The following GANAB variants were observed in gnomAD, a reference collection of about 807,000 sequenced individuals.
GANAB encodes glucosidase II alpha subunit.
In GANAB, 35 loss-of-function variants were observed where a neutral mutation model predicts 129.9. The observed-to-expected ratio is 0.27, with a 90% CI of 0.21 to 0.36. The LOEUF is 0.36. Ranked by LOEUF, GANAB falls within the 10% of genes least tolerant of loss-of-function variation. The pLI is 1.00. For synonymous variants in GANAB, 482 were observed against 451.8 expected (o/e 1.07, Z -0.85); for missense variants, 939 against 1,221.0 (o/e 0.77, Z 3.44).
chr11:62,636,234 G>C (rs1457848802), intron 4 of GANAB, among the ~76,000 whole-genome samples: 1 of 151,718 alleles, frequency 6.6e-6, no homozygotes, highest in African/African-American at 2.4e-5. Context: ...CAAGTGATCT[G>C]TCCGCCTTGG....
In GANAB at chr11:62,630,267, C is replaced by T; in HGVS notation, c.1523G>A (p.Gly508Asp). ...YEGWCWPGSA[G>D]YPDFTNPTMR... ...CGTGGGATTAGTGAAGTCAGGGTAA[C>T]CAGCTGAGCCTGGGAGAAGTTAAGG... is the stretch of plus-strand genomic sequence containing the variant. Residue 508 changes from glycine to aspartate, a missense_variant, in exon 13 of 24, where the codon GGT (glycine) becomes GAT (aspartate). Around this residue, in one of 5 missense-constraint regions of GANAB, gnomAD observed 220 missense variants for 295.9 expected, o/e 0.74. Coordinates refer to ENST00000356638, the MANE Select transcript of GANAB (RefSeq NM_198334.3). 1 of 1,613,544 alleles carries T rather than the reference C, an allele frequency of 6.2e-7. No individual in the cohort carries two copies. The highest frequency in any genetic ancestry group is 8.5e-7 in the Non-Finnish European group (1 of 1,179,652).
intron 14 of GANAB, 48 bp from the exon 15 acceptor site, chr11:62,629,732 T>C (rs778158520): frequency 6.2e-7 from 1 of 1,603,942 alleles, no homozygotes; most frequent in South Asian, 1.1e-5. Flanking sequence ...AAGCCAGCTG[T>C]CATCTGGTGC....
rs1412554955 is a variant in GANAB, at chr11:62,630,676, C to T, written c.1311G>A (p.Arg437=). 3.7e-6 allele frequency: 6 copies of T among 1,614,084 alleles called. No homozygotes were observed. The highest frequency in any genetic ancestry group is 8.5e-7 in the Non-Finnish European group (1 of 1,180,032). Residue 437 remains arginine, a synonymous_variant, in exon 11 of 24, where the codon CGG becomes CGA. Coordinates refer to ENST00000356638, the MANE Select transcript of GANAB (RefSeq NM_198334.3). ...WLDIEHADGK[R]YFTWDPSRFP... ...AGCGACTGGGGTCCCAGGTGAAATA[C>T]CGCTTGCCATCAGCATGTTCAATGT... is the stretch of plus-strand genomic sequence containing the variant.
intron 2 of GANAB, 42 bp downstream of exon 2, chr11:62,639,575 CACATTACCCT>C (rs1944126813): frequency 6.8e-7 from 1 of 1,470,762 alleles, no homozygotes; most frequent in Non-Finnish European, 9.5e-7. Flanking sequence ...AGATATCTCC[CACATTACCCT>C]ACAACCCTAC....
Position 62,628,881 on chromosome 11 carries a change from G to C in GANAB, c.2068C>G (p.Pro690Ala), listed in dbSNP as rs777031105. 9 of 1,614,018 alleles carry C rather than the reference G, an allele frequency of 5.6e-6. 1 individual carries two copies. In the Admixed American group the frequency reaches 1.2e-4, roughly 21 times the overall value. The change falls in exon 17 of 24, where the codon CCA (proline) becomes GCA (alanine). Residue 690 changes from proline (P) to alanine (A), a missense_variant. Around this residue, in one of 5 missense-constraint regions of GANAB, gnomAD observed 147 missense variants for 282.4 expected, o/e 0.52. Coordinates refer to ENST00000356638, the MANE Select transcript of GANAB (RefSeq NM_198334.3). The part of the protein sequence containing the change: ...DTGRREPWLL[P>A]SQHNDIIRDA... ...CGGATTATATCATTGTGCTGAGATG[G>C]TAACAGCCATGGCTCTCGTCGCCCA...
Position 62,625,832 on chromosome 11 carries a change from T to G in GANAB, c.2818A>C (p.Ser940Arg). Reference protein sequence around the residue: ...KPGINVASDWSIHLR With the variant: ...KPGINVASDWRIHLR ...CCCTTGGGTTATCGCAGGTGAATAC[T>G]CCAATCAGATGCCACATTGATGCCA... Residue 940 changes from serine (S) to arginine (R), a missense_variant, in exon 24 of 24, where the codon AGT becomes CGT. Transcript: ENST00000356638. 6.2e-7 allele frequency: 1 copy of G among 1,606,022 alleles called. No individual in the cohort carries two copies. Among genetic ancestry groups the G allele is most frequent in the Non-Finnish European group, 8.5e-7 (1 of 1,172,824 alleles).
At chr11:62,644,115 T>C (rs577461381) in intron 1 of GANAB, among the ~76,000 whole-genome samples, 1 of 152,186 alleles carries the variant, frequency 6.6e-6, no homozygotes, top group East Asian at 2.0e-4. Flanking sequence ...CGGCTAATTT[T>C]GTATTTTTAG....
At chr11:62,630,904 T>G (rs1330107519) in intron 10 of GANAB, 68 bp from the exon 11 acceptor site, 2 of 1,503,124 alleles carry the variant, frequency 1.3e-6, no homozygotes, top group Non-Finnish European at 1.8e-6. Context: ...TGAGGGAGGC[T>G]TGTGAACTAG....
rs376081960 is a variant in GANAB at position 62,631,373 on chromosome 11, A to C, written c.997-190T>G. Among the ~76,000 whole-genome samples, 8 of 151,350 alleles carry C rather than the reference A, an allele frequency of 5.3e-5. No individual in the cohort carries two copies. The South Asian group carries it at 1.7e-3, about 32-fold the overall frequency. On this transcript the variant is annotated intron_variant, in intron 9 of 23. Transcript: ENST00000356638. ...CACTATCTAAAGCAGTACAGCCCCC[A>C]CCCCTACCCCACCAGTTTGGGGTGG...
intron 15 of GANAB, 32 bp downstream of exon 15, chr11:62,629,556 C>T: frequency 2.1e-6 from 3 of 1,451,374 alleles, no homozygotes; most frequent in Non-Finnish European, 2.8e-6. Context: ...CCTTCACACC[C>T]TTCTGCCACA....
At chr11:62,638,049 A>G (rs964762157) in intron 4 of GANAB, among the ~76,000 whole-genome samples, 2 of 152,230 alleles carry the variant, frequency 1.3e-5, no homozygotes, top group African/African-American at 4.8e-5. Flanking sequence ...ATACAACTGT[A>G]AGAACAAAAA....
At chr11:62,630,878 C>T (rs548519869) in intron 10 of GANAB, 42 bp from the exon 11 acceptor site, 1 of 1,546,730 alleles carries the variant, frequency 6.5e-7, no homozygotes, top group East Asian at 2.3e-5. Context: ...GAGGATCAGG[C>T]CCAACACCCA....
intron 9 of GANAB, 46 bp from the exon 10 acceptor site, chr11:62,631,229 T>C: frequency 6.7e-7 from 1 of 1,490,608 alleles, no homozygotes; most frequent in Non-Finnish European, 9.0e-7. Context: ...TGCCCTCCCA[T>C]TTTCCAACCC....
At chr11:62,646,540 C>T (rs372667325) in intron 1 of GANAB, 22 bp downstream of exon 1, 2 of 1,612,906 alleles carry the variant, frequency 1.2e-6, no homozygotes, top group African/African-American at 2.7e-5. Flanking sequence ...CCGGGCGCGC[C>T]CCCAGATTCC....
chr11:62,635,052 T>C, intron 4 of GANAB, 52 bp from the exon 5 acceptor site: 1 of 1,324,242 alleles, frequency 7.6e-7, no homozygotes, highest in Non-Finnish European at 1.1e-6. Flanking sequence ...CCAAGAGGAG[T>C]AATGACACTT....
chr11:62,626,238 A>G, intron 22 of GANAB, 73 bp from the exon 23 acceptor site: 1 of 1,362,886 alleles, frequency 7.3e-7, no homozygotes. Context: ...GACCCAAAGC[A>G]AGGTCAGAAT....
Position 62,634,970 on chromosome 11 carries a change from A to G in GANAB, c.411T>C (p.Ser137=), listed in dbSNP as rs139065132. ...RLSVSGRDEN[S]VELTMAEGPY... ...GTCCCTCAGCCATGGTTAACTCCAC[A>G]CTGTTCTCATCACGACCAGAGACAG... Residue 137 remains serine, a synonymous_variant, in exon 5 of 24, where the codon AGT becomes AGC. Transcript: ENST00000356638. The G allele has an allele frequency of 2.3e-5, 37 of 1,613,690 alleles. No individual in the cohort carries two copies. The African/African-American group carries it at 4.1e-4, about 18-fold the overall frequency.
chr11:62,638,986 G>A lies in GANAB; in HGVS notation c.377C>T (p.Ala126Val). 6.2e-7 allele frequency: 1 copy of A among 1,613,686 alleles called. No individual in the cohort carries two copies. Among genetic ancestry groups the A allele is most frequent in the Non-Finnish European group, 8.5e-7 (1 of 1,179,744 alleles). The change falls in exon 4 of 24, where the codon GCC becomes GTC. Residue 126 changes from alanine to valine, a missense_variant. Physicochemically the swap from Ala to Val is moderately conservative, Grantham distance 64. This residue lies in a region of GANAB where 321 missense variants were observed against 329.1 expected (regional missense o/e 0.98). Coordinates refer to ENST00000356638, the MANE Select transcript of GANAB (RefSeq NM_198334.3). ...PDVLVADPPIARLSVSGRDEN... is the reference protein window; with the variant it reads ...PDVLVADPPIVRLSVSGRDEN... ...ATGTTTCTCAGGAAAAATTTACCGG[G>A]CTATTGGTGGATCAGCCACCAAAAC...
intron 1 of GANAB, among the ~76,000 whole-genome samples, chr11:62,645,009 C>G (rs1261665674): frequency 6.6e-6 from 1 of 152,010 alleles, no homozygotes; most frequent in Non-Finnish European, 1.5e-5. Flanking sequence ...TCACAGGACT[C>G]TCCTCCAGCT....
Sources: allele counts gnomAD v4.1 joint callset (sites outside exome capture counted in the v4.1 genomes callset), GRCh38; gene constraint gnomAD v4.1.1; regional missense constraint gnomAD v4.1.1; transcripts MANE v1.5; gene names NCBI Gene and HGNC (gene_info 2026-07-23, HGNC 2026-07-21).